Variants in RPS28 observed in about 807,000 individuals in gnomAD.
RPS28 encodes the protein ribosomal protein S28.
In RPS28, 2 loss-of-function variants were observed where a neutral mutation model predicts 9.4. The ratio of observed to expected loss-of-function variants is 0.21; its 90% CI spans 0.09 to 0.67. The LOEUF is 0.67. Ranked by LOEUF, RPS28 falls within the 30% of genes least tolerant of loss-of-function variation. RPS28 has a pLI of 0.82. For synonymous variants in RPS28, 41 were observed against 37.8 expected (o/e 1.08, Z -0.31); for missense variants, 35 against 95.3 (o/e 0.37, Z 2.63).
intron 2 of RPS28, 109 bp from the exon 3 acceptor site, chr19:8,321,844 C>T (rs1970321827): frequency 6.6e-7 from 1 of 1,525,700 alleles, no homozygotes; most frequent in Non-Finnish European, 8.9e-7. Context: ...CTTTAACGAT[C>T]TGTATTCTGG....
At chr19:8,321,882 T>C in intron 2 of RPS28, 71 bp from the exon 3 acceptor site, 1 of 1,588,358 alleles carries the variant, frequency 6.3e-7, no homozygotes, top group Non-Finnish European at 8.6e-7. Context: ...AATTCATATC[T>C]GCTTCCCACT....
intron 2 of RPS28, 74 bp from the exon 3 acceptor site, chr19:8,321,879 A>G (rs1329533862): frequency 2.5e-6 from 4 of 1,584,402 alleles, no homozygotes; most frequent in Non-Finnish European, 3.4e-6. Flanking sequence ...CTGAATTCAT[A>G]TCTGCTTCCC....
chr19:8,322,818 T>A lies in RPS28; in HGVS notation c.*563T>A. ...GAGGAGATCTCCCCACAGCTAGGTGTAGTGAGCCAGACGAGGCAGCTTACT... is the reference window on the plus strand; with the variant it reads ...GAGGAGATCTCCCCACAGCTAGGTGAAGTGAGCCAGACGAGGCAGCTTACT... On this transcript the variant is annotated 3_prime_UTR_variant, in exon 4 of 4. Coordinates refer to ENST00000600659, the MANE Select transcript of RPS28 (RefSeq NM_001031.5). 1 of 1,576,310 alleles carries A rather than the reference T, an allele frequency of 6.3e-7. No homozygotes were observed. Among genetic ancestry groups the A allele is most frequent in the Non-Finnish European group, 8.7e-7 (1 of 1,148,702 alleles).
chr19:8,321,622 C>T (rs1970316693), intron 1 of RPS28, 34 bp from the exon 2 acceptor site: 2 of 1,558,820 alleles, frequency 1.3e-6, no homozygotes. Context: ...AGGAGCCAAA[C>T]GGGCCGGGTC....
chr19:8,322,930 GA>G lies in RPS28; in HGVS notation c.*676del. On this transcript the variant is annotated 3_prime_UTR_variant, in exon 4 of 4. Transcript: ENST00000600659. ...GCCAGGGGGTGACTCGCTCTGGAGA[GA>G]GGGGAAAAGAGGGGGGCCTGCTGCA... 2 of 1,413,864 alleles carry G rather than the reference GA, an allele frequency of 1.4e-6. No homozygotes were observed. Among genetic ancestry groups the G allele is most frequent in the Non-Finnish European group, 1.9e-6 (2 of 1,048,770 alleles). 87.6% of individuals were successfully genotyped at this position (1,413,864 alleles called of 1,614,324 possible). A position where few individuals can be genotyped will look rare whatever the true frequency, so the allele number is the denominator to read the frequency against.
At chr19:8,321,895 G>A in intron 2 of RPS28, 58 bp from the exon 3 acceptor site, 1 of 1,601,834 alleles carries the variant, frequency 6.2e-7, no homozygotes, top group South Asian at 1.1e-5. Flanking sequence ...TTCCCACTCC[G>A]CGGTGCCTTT....
chr19:8,321,944 G>C lies in RPS28; in HGVS notation c.88-9G>C. On this transcript the variant is annotated splice_polypyrimidine_tract_variant and intron_variant, in intron 2 of 3. Transcript: ENST00000600659. Reference sequence around the variant, plus strand: ...TTACTTCTTCCTCCACTCCGGTGGGGACCCGTAGGTGCGCGTGGAATTCAT... The same window carrying C: ...TTACTTCTTCCTCCACTCCGGTGGGCACCCGTAGGTGCGCGTGGAATTCAT... The C allele has an allele frequency of 6.2e-7, 1 of 1,611,676 alleles. No individual in the cohort carries two copies. The highest frequency in any genetic ancestry group is 2.2e-5 in the East Asian group (1 of 44,856).
Position 8,322,936 on chromosome 19 carries a change from A to G in RPS28, c.*681A>G, listed in dbSNP as rs201986029. 1.4e-6 allele frequency: 2 copies of G among 1,415,772 alleles called. No individual in the cohort carries two copies. Among genetic ancestry groups the G allele is most frequent in the Non-Finnish European group, 1.9e-6 (2 of 1,051,858 alleles). 87.7% of individuals were successfully genotyped at this position (1,415,772 alleles called of 1,614,324 possible). On this transcript the variant is annotated 3_prime_UTR_variant, in exon 4 of 4. Coordinates refer to ENST00000600659, the MANE Select transcript of RPS28 (RefSeq NM_001031.5). ...GGGTGACTCGCTCTGGAGAGAGGGG[A>G]AAAGAGGGGGGCCTGCTGCAATCTC... is the stretch of plus-strand genomic sequence containing the variant.
At chr19:8,321,877 A>C in intron 2 of RPS28, 76 bp from the exon 3 acceptor site, 2 of 1,581,620 alleles carry the variant, frequency 1.3e-6, no homozygotes, top group South Asian at 1.1e-5. Context: ...CTCTGAATTC[A>C]TATCTGCTTC....
rs777409997 is a variant in RPS28, at chr19:8,321,642, C to T, written c.40-14C>T. ...CCAAACGGGCCGGGTCTGAACCCAG[C>T]TTCTTTCCTCCAGGTCACCAAGGTC... is the stretch of plus-strand genomic sequence containing the variant. On this transcript the variant is annotated splice_polypyrimidine_tract_variant and intron_variant, in intron 1 of 3. Coordinates refer to ENST00000600659, the MANE Select transcript of RPS28 (RefSeq NM_001031.5). 2.3e-5 allele frequency: 36 copies of T among 1,555,228 alleles called. No homozygotes were observed. The East Asian group carries it at 6.3e-4, about 27-fold the overall frequency.
rs1453173399 is a variant in RPS28 at position 8,322,252 on chromosome 19, A to G, written c.*17-20A>G. 1.2e-6 allele frequency: 1 copy of G among 806,198 alleles called. No homozygotes were observed. The highest frequency in any genetic ancestry group is 2.0e-5 in the Admixed American group (1 of 49,820). 49.9% of individuals were successfully genotyped at this position (806,198 alleles called of 1,614,324 possible). ...TTGCTGCGGGGCCTGTCAACATCTC[A>G]TGTTTGGGTCTGTTTACAGGGTCTT... On this transcript the variant is annotated intron_variant, in intron 3 of 3. Coordinates refer to ENST00000600659, the MANE Select transcript of RPS28 (RefSeq NM_001031.5).
Position 8,322,759 on chromosome 19 carries a change from A to G in RPS28, c.*504A>G. On this transcript the variant is annotated 3_prime_UTR_variant, in exon 4 of 4. Transcript: ENST00000600659. ...TTAGCCTCTGAGCAGGGGACCCTGG[A>G]CCCTTCTGTGCGCCAAAGGCTGAGG... The G allele has an allele frequency of 9.3e-7, 1 of 1,080,832 alleles. No individual in the cohort carries two copies. The highest frequency in any genetic ancestry group is 1.4e-6 in the Non-Finnish European group (1 of 721,256). 67.0% of individuals were successfully genotyped at this position (1,080,832 alleles called of 1,614,324 possible).
rs772335022 is a variant in RPS28 at position 8,322,792 on chromosome 19, CGAG to C, written c.*541_*543del. The C allele has an allele frequency of 3.3e-5, 47 of 1,418,810 alleles. No individual in the cohort carries two copies. The highest frequency in any genetic ancestry group is 4.2e-5 in the Non-Finnish European group (42 of 1,008,250). The allele number at this position is 1,418,810 out of a possible 1,614,324, so 87.9% of individuals were successfully genotyped here. The stretch of plus-strand genomic sequence containing the variant: ...GTGCGCCAAAGGCTGAGGTGACTGA[CGAG>C]GAGATCTCCCCACAGCTAGGTGTAG... On this transcript the variant is annotated 3_prime_UTR_variant, in exon 4 of 4. Transcript: ENST00000600659.
At position 8,321,576 on chromosome 19, in the gene RPS28, T is replaced by C; in HGVS notation, c.39+7T>C. On this transcript the variant is annotated splice_region_variant and intron_variant, in intron 1 of 3. Coordinates refer to ENST00000600659, the MANE Select transcript of RPS28 (RefSeq NM_001031.5). ...GCCTATCAAGCTGGCCAGGGTGAGG[T>C]GGGGGCCCGAATTTGGGGGCAGGGG... 6.3e-7 allele frequency: 1 copy of C among 1,575,834 alleles called. No individual in the cohort carries two copies. Among genetic ancestry groups the C allele is most frequent in the Non-Finnish European group, 8.6e-7 (1 of 1,162,330 alleles).
rs973917609 is a variant in RPS28, at chr19:8,322,731, G to C, written c.*476G>C. On this transcript the variant is annotated 3_prime_UTR_variant, in exon 4 of 4. Coordinates refer to ENST00000600659, the MANE Select transcript of RPS28 (RefSeq NM_001031.5). ...CTGAAATTGCCTTTCTCTTCGGCCA[G>C]TGTTAGCCTCTGAGCAGGGGACCCT... 18 of 790,664 alleles carry C rather than the reference G, an allele frequency of 2.3e-5. No homozygotes were observed. The highest frequency in any genetic ancestry group is 3.5e-5 in the Non-Finnish European group (17 of 487,802). The allele number at this position is 790,664 out of a possible 1,614,324, so 49.0% of individuals were successfully genotyped here.
intron 2 of RPS28, 25 bp from the exon 3 acceptor site, chr19:8,321,927 TC>T: frequency 6.2e-7 from 1 of 1,610,880 alleles, no homozygotes; most frequent in Non-Finnish European, 8.5e-7. Context: ...CCTTACTTCT[TC>T]CTCCACTCCG....
chr19:8,322,786 G>A lies in RPS28; in HGVS notation c.*531G>A, dbSNP rs894712415. 132 of 1,368,482 alleles carry A rather than the reference G, an allele frequency of 9.6e-5. 1 individual carries two copies. In the East Asian group the frequency reaches 3.0e-3, roughly 31 times the overall value. The allele number at this position is 1,368,482 out of a possible 1,614,324, so 84.8% of individuals were successfully genotyped here. On this transcript the variant is annotated 3_prime_UTR_variant, in exon 4 of 4. Coordinates refer to ENST00000600659, the MANE Select transcript of RPS28 (RefSeq NM_001031.5). ...CCTTCTGTGCGCCAAAGGCTGAGGT[G>A]ACTGACGAGGAGATCTCCCCACAGC...
At chr19:8,321,912 C>T (rs1970323431) in intron 2 of RPS28, 41 bp from the exon 3 acceptor site, 1 of 1,608,784 alleles carries the variant, frequency 6.2e-7, no homozygotes, top group Non-Finnish European at 8.5e-7. Context: ...CTTTCCGCGG[C>T]CCGCCCTTAC....
rs767957928 is a variant in RPS28 at position 8,321,948 on chromosome 19, C to T, written c.88-5C>T. ...TTCTTCCTCCACTCCGGTGGGGACC[C>T]GTAGGTGCGCGTGGAATTCATGGAC... On this transcript the variant is annotated splice_polypyrimidine_tract_variant and splice_region_variant and intron_variant, in intron 2 of 3. Coordinates refer to ENST00000600659, the MANE Select transcript of RPS28 (RefSeq NM_001031.5). The T allele has an allele frequency of 3.1e-6, 5 of 1,611,276 alleles. No individual in the cohort carries two copies. The highest frequency in any genetic ancestry group is 1.1e-5 in the South Asian group (1 of 90,632).
Sources: allele counts gnomAD v4.1 joint callset, GRCh38; gene constraint gnomAD v4.1.1; transcripts MANE v1.5; gene names NCBI Gene and HGNC (gene_info 2026-07-23, HGNC 2026-07-21).